The following FOCAD variants were observed in gnomAD, a reference collection of about 807,000 sequenced individuals.
FOCAD encodes the protein focadhesin, also known as KIAA1797.
A neutral mutation model predicts 225.6 loss-of-function variants in FOCAD; 198 were observed. The ratio of observed to expected loss-of-function variants is 0.88; its 90% CI spans 0.78 to 0.99. FOCAD has a LOEUF of 0.99. Among genes scored for constraint, FOCAD ranks in the 50% least tolerant of loss-of-function variants. FOCAD has a pLI of 0.00. For missense variants in FOCAD, 2,713 were observed against 2,123.6 expected, an observed-to-expected ratio of 1.28 and a Z score of -5.46; for synonymous variants, 897 against 755.0, an observed-to-expected ratio of 1.19 and a Z score of -3.08.
rs1818042770 is a variant in FOCAD at position 20,770,088 on chromosome 9, A to T, written c.756A>T (p.Leu252Phe). 1 of 1,614,112 alleles carries T rather than the reference A, an allele frequency of 6.2e-7. No homozygotes were observed. The highest frequency in any genetic ancestry group is 1.3e-5 in the African/African-American group (1 of 75,062). ...EAMMFIEEVC[L>F]SLLRHPVFWK... ...TGATGTTTATTGAGGAAGTATGTTT[A>T]AGCCTTTTGCGTCATCCTGTTTTCT... The change falls in exon 8 of 44, where the codon TTA becomes TTT. Residue 252 changes from leucine to phenylalanine, a missense_variant. Physicochemically the swap from Leu to Phe is conservative, Grantham distance 22. Transcript: ENST00000338382.
chr9:20,733,886 A>G (rs1288541606), intron 4 of FOCAD, among the ~76,000 whole-genome samples: 1 of 152,186 alleles, frequency 6.6e-6, no homozygotes, highest in East Asian at 1.9e-4. Context: ...CTATAGCTCC[A>G]GATACTTGGG....
chr9:20,740,851 C>T (rs1273375697), intron 5 of FOCAD, among the ~76,000 whole-genome samples: 1 of 152,108 alleles, frequency 6.6e-6, no homozygotes, highest in African/African-American at 2.4e-5. Flanking sequence ...AAATAAAATA[C>T]ACACAGTAGC....
At chr9:20,939,122 C>T (rs960243697) in intron 28 of FOCAD, among the ~76,000 whole-genome samples, 1 of 119,990 alleles carries the variant, frequency 8.3e-6, no homozygotes, top group African/African-American at 3.1e-5. Flanking sequence ...TGCACTCCAG[C>T]CTGGGCGACA....
In FOCAD at chr9:20,882,038, C is replaced by T. The variant is rs1237971354; in HGVS notation, c.2485C>T (p.Leu829=). ...KMYETNKQPG[L]KPGLAGGMLF... ...GTATGAAACAAACAAGCAACCAGGA[C>T]TGAAACCTGGCCTTGCAGGTAAGGG... The change falls in exon 20 of 44, where the codon CTG becomes TTG. Residue 829 remains leucine, a synonymous_variant. Coordinates refer to ENST00000338382, the MANE Select transcript of FOCAD (RefSeq NM_001375567.1). 1.4e-5 allele frequency: 22 copies of T among 1,613,106 alleles called. No individual in the cohort carries two copies. The highest frequency in any genetic ancestry group is 1.7e-5 in the Non-Finnish European group (20 of 1,179,670).
rs534357161 is a variant in FOCAD, at chr9:20,965,479, C to G, written c.4133-10941C>G. On this transcript the variant is annotated intron_variant, in intron 35 of 43. Coordinates refer to ENST00000338382, the MANE Select transcript of FOCAD (RefSeq NM_001375567.1). ...ATGGTATCAGTTTCTCTTGTGGTTT[C>G]TACTTTTCTTCTAAAGACTCATCCA... Among the ~76,000 whole-genome samples the G allele has an allele frequency of 4.3e-4, 65 of 152,262 alleles. No individual in the cohort carries two copies. In the South Asian group the frequency reaches 6.0e-3, roughly 14 times the overall value.
In FOCAD at chr9:20,696,994, C is replaced by T. The variant is rs192148761; in HGVS notation, c.-33+12701C>T. 2.6e-5 allele frequency among the ~76,000 whole-genome samples: 4 copies of T among 152,218 alleles called. No homozygotes were observed. The East Asian group carries it at 5.8e-4, about 22-fold the overall frequency. Reference sequence around the variant, plus strand: ...GATGATGTGGCACAAAGACCCTCCACGGATGTTGACACCTTGATATTAGAC... The same window carrying T: ...GATGATGTGGCACAAAGACCCTCCATGGATGTTGACACCTTGATATTAGAC... On this transcript the variant is annotated intron_variant, in intron 1 of 43. Coordinates refer to ENST00000338382, the MANE Select transcript of FOCAD (RefSeq NM_001375567.1).
chr9:20,800,715 T>G (rs941707614), intron 11 of FOCAD, among the ~76,000 whole-genome samples: 1 of 152,172 alleles, frequency 6.6e-6, no homozygotes, highest in Admixed American at 6.5e-5. Context: ...CTTTAAGGAC[T>G]TCTCTGCTTT....
chr9:20,983,620 G>A (rs536124607), intron 39 of FOCAD, among the ~76,000 whole-genome samples: 1 of 151,456 alleles, frequency 6.6e-6, no homozygotes, highest in South Asian at 2.1e-4. Flanking sequence ...TTGGAAGTTA[G>A]GTTGTTTTAA....
chr9:20,754,147 A>G (rs943516996), intron 5 of FOCAD, among the ~76,000 whole-genome samples: 2 of 152,138 alleles, frequency 1.3e-5, no homozygotes, highest in Non-Finnish European at 2.9e-5. Context: ...ACTTGAAAAA[A>G]TGGAAAGGCT....
chr9:20,870,481 C>A (rs149512507), intron 18 of FOCAD, among the ~76,000 whole-genome samples: 1 of 152,292 alleles, frequency 6.6e-6, no homozygotes, highest in East Asian at 1.9e-4. Flanking sequence ...TCCCCAACTA[C>A]GATGGTTGGA....
intron 11 of FOCAD, among the ~76,000 whole-genome samples, chr9:20,818,066 A>T (rs1323429145): frequency 6.6e-6 from 1 of 152,144 alleles, no homozygotes; most frequent in South Asian, 2.1e-4. Context: ...CCATCTTTTG[A>T]TGATAGCTTT....
intron 22 of FOCAD, among the ~76,000 whole-genome samples, chr9:20,909,392 T>C (rs961450388): frequency 6.6e-6 from 1 of 152,082 alleles, no homozygotes. Context: ...CTTAGCGTTT[T>C]CCACTGTGAC....
intron 2 of FOCAD, among the ~76,000 whole-genome samples, chr9:20,674,178 T>C (rs137945582): frequency 1.3e-5 from 2 of 152,334 alleles, no homozygotes; most frequent in African/African-American, 4.8e-5. Context: ...AAATATCTTA[T>C]ATTAGTATTA....
chr9:20,710,776 A>G (rs192667258), intron 1 of FOCAD, among the ~76,000 whole-genome samples: 1 of 152,274 alleles, frequency 6.6e-6, no homozygotes, highest in African/African-American at 2.4e-5. Flanking sequence ...TAGATTATAA[A>G]AGAGGTATCA....
intron 1 of FOCAD, among the ~76,000 whole-genome samples, chr9:20,691,992 C>G (rs1823008560): frequency 6.6e-6 from 1 of 151,714 alleles, no homozygotes; most frequent in South Asian, 2.1e-4. Context: ...AAAAATGATC[C>G]ACCCGCCTTG....
At chr9:20,903,888 G>T (rs1832745700) in intron 21 of FOCAD, among the ~76,000 whole-genome samples, 1 of 151,808 alleles carries the variant, frequency 6.6e-6, no homozygotes, top group South Asian at 2.1e-4. Flanking sequence ...CCATGAAACA[G>T]CCACTTTCTA....
chr9:20,864,439 T>G (rs1240645823), intron 16 of FOCAD, among the ~76,000 whole-genome samples: 1 of 152,080 alleles, frequency 6.6e-6, no homozygotes, highest in Non-Finnish European at 1.5e-5. Context: ...TTCTTTTCCT[T>G]TGTTCATATT....
chr9:20,663,684 C>G (rs1017420232), intron 2 of FOCAD, among the ~76,000 whole-genome samples: 1 of 152,124 alleles, frequency 6.6e-6, no homozygotes, highest in Non-Finnish European at 1.5e-5. Context: ...TTTTAAAATT[C>G]TTGTGTGAGG....
At chr9:20,747,088 T>C (rs867060782) in intron 5 of FOCAD, among the ~76,000 whole-genome samples, 2 of 152,138 alleles carry the variant, frequency 1.3e-5, no homozygotes, top group African/African-American at 4.8e-5. Context: ...GGGGAATACA[T>C]TTTGAGACCA....
Sources: gnomAD v4.1 joint callset for allele counts (sites outside exome capture counted in the v4.1 genomes callset) on GRCh38, gnomAD v4.1.1 for gene constraint, MANE v1.5 for transcripts, NCBI Gene and HGNC (gene_info 2026-07-23, HGNC 2026-07-21) for gene names.